C1orf53: variants seen among roughly 807,000 people sequenced by gnomAD.
The protein encoded by C1orf53 is chromosome 1 open reading frame 53.
In C1orf53, 23 loss-of-function variants were observed where a neutral mutation model predicts 17.5. That is an observed-to-expected ratio of 1.31 (90% CI 0.94 to 1.86). The LOEUF (loss-of-function observed/expected upper bound fraction) is 1.86. C1orf53 is among the 40% of genes most tolerant of loss of function. The probability of loss-of-function intolerance (pLI) is 0.00; values close to 1 mark genes in which losing one functional copy is unlikely to be tolerated. For synonymous variants in C1orf53, 108 were observed against 81.9 expected, an observed-to-expected ratio of 1.32 and a Z score of -1.72; for missense variants, 255 against 193.2, an observed-to-expected ratio of 1.32 and a Z score of -1.89.
At chr1:197,905,934 G>C (rs975162801) in intron 2 of C1orf53, 37 bp downstream of exon 2, 1 of 1,431,692 alleles carries the variant, frequency 7.0e-7, no homozygotes, top group East Asian at 2.3e-5. Flanking sequence ...AGCAGTTTGC[G>C]GTGCTTCTGT....
rs190232513 is a variant in C1orf53, at chr1:197,903,165, G to A, written c.264+252G>A. The stretch of plus-strand genomic sequence containing the variant: ...CCGATCAGCGTCCGAGCTAAACTCC[G>A]GTCGCAGTGTGGGACCCACTACCAC... On this transcript the variant is annotated intron_variant, in intron 1 of 2. Transcript: ENST00000367393. 7.0e-3 allele frequency among the ~76,000 whole-genome samples: 1,073 copies of A among 152,324 alleles called. 10 individuals carry two copies. The highest frequency in any genetic ancestry group is 8.6e-3 in the Non-Finnish European group (585 of 68,038).
At chr1:197,902,962 C>G in intron 1 of C1orf53, 49 bp downstream of exon 1, 1 of 1,329,888 alleles carries the variant, frequency 7.5e-7, no homozygotes, top group Non-Finnish European at 9.6e-7. Flanking sequence ...GCCCCGGGCT[C>G]GGCGCGCCTG....
Position 197,902,804 on chromosome 1 carries a change from C to G in C1orf53, c.155C>G (p.Ser52Cys). The G allele has an allele frequency of 6.3e-7, 1 of 1,578,484 alleles. No individual in the cohort carries two copies. ...CPANEGNCGGSAPSTPGRPER... is the reference protein window; with the variant it reads ...CPANEGNCGGCAPSTPGRPER... ...GCTAACGAGGGAAACTGCGGCGGCT[C>G]CGCGCCCAGCACGCCCGGTAGGCCG... is the stretch of plus-strand genomic sequence containing the variant. Residue 52 changes from serine to cysteine, a missense_variant, in exon 1 of 3, where the codon TCC becomes TGC. Coordinates refer to ENST00000367393, the MANE Select transcript of C1orf53 (RefSeq NM_001024594.3).
intron 1 of C1orf53, among the ~76,000 whole-genome samples, chr1:197,905,244 CA>C (rs201785555): frequency 8.2e-4 from 115 of 140,708 alleles, no homozygotes; most frequent in Middle Eastern, 3.6e-3. Context: ...AACACACCAG[CA>C]AAAAAAAAAA....
chr1:197,902,803 T>C lies in C1orf53; in HGVS notation c.154T>C (p.Ser52Pro). 2 of 1,579,272 alleles carry C rather than the reference T, an allele frequency of 1.3e-6. No homozygotes were observed. Among genetic ancestry groups the C allele is most frequent in the South Asian group, 1.1e-5 (1 of 87,160 alleles). Residue 52 changes from serine to proline, a missense_variant, in exon 1 of 3, where the codon TCC becomes CCC. Transcript: ENST00000367393. ...CPANEGNCGG[S>P]APSTPGRPER... ...TGCTAACGAGGGAAACTGCGGCGGC[T>C]CCGCGCCCAGCACGCCCGGTAGGCC...
intron 1 of C1orf53, among the ~76,000 whole-genome samples, chr1:197,903,963 T>C (rs560044365): frequency 1.3e-5 from 2 of 152,366 alleles, no homozygotes; most frequent in South Asian, 4.1e-4. Flanking sequence ...AGTGTCATTC[T>C]CCTTAGAGCA....
Position 197,902,640 on chromosome 1 carries a change from C to A in C1orf53, c.-10C>A. 1.4e-6 allele frequency: 2 copies of A among 1,415,804 alleles called. No individual in the cohort carries two copies. The highest frequency in any genetic ancestry group is 3.0e-5 in the Admixed American group (1 of 33,436). 87.7% of individuals were successfully genotyped at this position (1,415,804 alleles called of 1,614,324 possible). A position where few individuals can be genotyped will look rare whatever the true frequency, so the allele number is the denominator to read the frequency against. On this transcript the variant is annotated 5_prime_UTR_variant, in exon 1 of 3. Coordinates refer to ENST00000367393, the MANE Select transcript of C1orf53 (RefSeq NM_001024594.3). ...CGCCGGGTGCTCCGCCTCCCAAGGC[C>A]GGCGGCGGCATGGCGGCCAGGCAGA...
chr1:197,903,363 ATTTAT>A (rs1297758206), intron 1 of C1orf53, among the ~76,000 whole-genome samples: 2 of 152,230 alleles, frequency 1.3e-5, no homozygotes, highest in African/African-American at 4.8e-5. Context: ...ACATTGACAC[ATTTAT>A]TTTAATTTTT....
chr1:197,903,027 G>A (rs1198908640), intron 1 of C1orf53, 114 bp downstream of exon 1: 1 of 1,009,996 alleles, frequency 9.9e-7, no homozygotes, highest in Non-Finnish European at 1.3e-6. Context: ...AAAGGTTGCT[G>A]GATACCGGTG....
intron 2 of C1orf53, 86 bp downstream of exon 2, chr1:197,905,983 T>G: frequency 9.5e-7 from 1 of 1,055,342 alleles, no homozygotes. Context: ...ACAAGTCAAA[T>G]AAAAAACCAA....
chr1:197,902,998 G>A, intron 1 of C1orf53, 85 bp downstream of exon 1: 7 of 1,236,366 alleles, frequency 5.7e-6, no homozygotes, highest in Non-Finnish European at 7.2e-6. Context: ...TCCGGACCCG[G>A]AGGCCGCCCG....
chr1:197,905,462 A>C (rs1468127543), intron 1 of C1orf53: 1 of 168,420 alleles, frequency 5.9e-6, no homozygotes, highest in Non-Finnish European at 1.3e-5. Context: ...TCTTAAAATC[A>C]TTTAAATCAC....
intron 1 of C1orf53, among the ~76,000 whole-genome samples, chr1:197,903,344 GA>G (rs1046621869): frequency 6.6e-6 from 1 of 152,038 alleles, no homozygotes; most frequent in Non-Finnish European, 1.5e-5. Flanking sequence ...CTTAGAGTGA[GA>G]AAAAAAGACA....
chr1:197,902,740 G>A lies in C1orf53; in HGVS notation c.91G>A (p.Ala31Thr). 1 of 1,565,312 alleles carries A rather than the reference G, an allele frequency of 6.4e-7. No individual in the cohort carries two copies. Among genetic ancestry groups the A allele is most frequent in the Non-Finnish European group, 8.6e-7 (1 of 1,163,922 alleles). ...APPPAPLWVR[A>T]GFRQQLSLTL... is the part of the protein sequence containing the mutation. Reference sequence around the variant, plus strand: ...GCCGCCAGCACCTCTCTGGGTAAGAGCTGGGTTCCGACAGCAGCTCAGCTT... The same window carrying A: ...GCCGCCAGCACCTCTCTGGGTAAGAACTGGGTTCCGACAGCAGCTCAGCTT... Residue 31 changes from alanine (A) to threonine (T), a missense_variant, in exon 1 of 3, where the codon GCT becomes ACT. Transcript: ENST00000367393.
intron 2 of C1orf53, among the ~76,000 whole-genome samples, chr1:197,906,703 A>T (rs556617101): frequency 6.6e-6 from 1 of 152,318 alleles, no homozygotes; most frequent in Non-Finnish European, 1.5e-5. Flanking sequence ...TTTACAGAAC[A>T]CTTTGTATGT....
Position 197,902,899 on chromosome 1 carries a change from G to GCTGCCGCCTGCGCGGTGAGA in C1orf53, c.253_264+8dup. ...GGAGCGACAGATCGCGGAGCTGCAC[G>GCTGCCGCCTGCGCGGTGAGA]CTGCCGCCTGCGCGGTGAGACTCCC... is the stretch of plus-strand genomic sequence containing the variant. On this transcript the variant is annotated frameshift_variant, in exon 1 of 3. Transcript: ENST00000367393. LOFTEE classifies it high-confidence loss of function. 1 of 1,476,112 alleles carries GCTGCCGCCTGCGCGGTGAGA rather than the reference G, an allele frequency of 6.8e-7. No individual in the cohort carries two copies. The highest frequency in any genetic ancestry group is 9.0e-7 in the Non-Finnish European group (1 of 1,117,248). 91.4% of individuals were successfully genotyped at this position (1,476,112 alleles called of 1,614,324 possible).
rs531235607 is a variant in C1orf53, at chr1:197,905,470, C to G, written c.265-326C>G. 9 of 172,440 alleles carry G rather than the reference C, an allele frequency of 5.2e-5. No individual in the cohort carries two copies. The Admixed American group carries it at 5.7e-4, about 11-fold the overall frequency. The allele number at this position is 172,440 out of a possible 1,614,324, so 10.7% of individuals were successfully genotyped here. A position where few individuals can be genotyped will look rare whatever the true frequency, so the allele number is the denominator to read the frequency against. On this transcript the variant is annotated intron_variant, in intron 1 of 2. Transcript: ENST00000367393. Reference sequence around the variant, plus strand: ...CTTAAGCTCTTAAAATCATTTAAATCACCTGTTATTAAGCTTGTTACCTAG... The same window carrying G: ...CTTAAGCTCTTAAAATCATTTAAATGACCTGTTATTAAGCTTGTTACCTAG...
chr1:197,907,063 A>G, intron 2 of C1orf53, 86 bp from the exon 3 acceptor site: 2 of 781,432 alleles, frequency 2.6e-6, no homozygotes, highest in Middle Eastern at 3.6e-4. Context: ...AATTGTTAAC[A>G]GTCTCTTTTT....
Position 197,907,250 on chromosome 1 carries a change from G to T in C1orf53, c.*30G>T. 1 of 1,322,208 alleles carries T rather than the reference G, an allele frequency of 7.6e-7. No homozygotes were observed. The highest frequency in any genetic ancestry group is 1.1e-6 in the Non-Finnish European group (1 of 941,828). 81.9% of individuals were successfully genotyped at this position (1,322,208 alleles called of 1,614,324 possible). On this transcript the variant is annotated 3_prime_UTR_variant, in exon 3 of 3. Coordinates refer to ENST00000367393, the MANE Select transcript of C1orf53 (RefSeq NM_001024594.3). ...AATTTCATCTCTGTTCCCTAACTGTGCTTGTATTTTTTAAAAAATAAAGCC... is the reference window on the plus strand; with the variant it reads ...AATTTCATCTCTGTTCCCTAACTGTTCTTGTATTTTTTAAAAAATAAAGCC...
Sources: allele counts gnomAD v4.1 joint callset (sites outside exome capture counted in the v4.1 genomes callset), GRCh38; gene constraint gnomAD v4.1.1; transcripts MANE v1.5; gene names NCBI Gene and HGNC (gene_info 2026-07-23, HGNC 2026-07-21).